LYST: variants seen among roughly 807,000 people sequenced by gnomAD.
The protein encoded by LYST is lysosomal trafficking regulator.
Under a neutral mutation model 413.6 loss-of-function variants are expected in LYST, and 192 were observed. The ratio of observed to expected loss-of-function variants is 0.46; its 90% CI spans 0.41 to 0.52. LYST has a LOEUF of 0.52. Ranked by LOEUF, LYST falls within the 20% of genes least tolerant of loss-of-function variation. The pLI, the probability that LYST is intolerant of heterozygous loss-of-function variation, is 0.00. For synonymous variants in LYST, 1,525 were observed against 1,567.3 expected (o/e 0.97, Z 0.64); for missense variants, 3,815 against 4,499.9 (o/e 0.85, Z 4.35).
At chr1:235,856,114 C>T (rs1572467928) in intron 1 of LYST, among the ~76,000 whole-genome samples, 1 of 152,080 alleles carries the variant, frequency 6.6e-6, no homozygotes, top group Non-Finnish European at 1.5e-5. Context: ...TTTTTCCCTA[C>T]CACACTGGGT....
Position 235,793,003 on chromosome 1 carries a change from G to A in LYST, c.4116+500C>T, listed in dbSNP as rs567529669. 5.9e-5 allele frequency among the ~76,000 whole-genome samples: 9 copies of A among 152,238 alleles called. No homozygotes were observed. The East Asian group carries it at 1.4e-3, about 23-fold the overall frequency. On this transcript the variant is annotated intron_variant, in intron 11 of 52. Coordinates refer to ENST00000389793, the MANE Select transcript of LYST (RefSeq NM_000081.4). ...GAACATCCAATCCCACTACAAAGTAGCTCCAAAGTTTTCTGTCTTATTTGC... is the reference window on the plus strand; with the variant it reads ...GAACATCCAATCCCACTACAAAGTAACTCCAAAGTTTTCTGTCTTATTTGC...
intron 3 of LYST, chr1:235,827,524 G>A (rs1675463771): frequency 3.8e-5 from 37 of 978,566 alleles, no homozygotes; most frequent in Non-Finnish European, 4.5e-5. Flanking sequence ...TGTGTCTAGT[G>A]TTATGATTTC....
At chr1:235,830,484 A>G in intron 2 of LYST, 60 bp from the exon 3 acceptor site, 1 of 1,307,226 alleles carries the variant, frequency 7.6e-7, no homozygotes, top group East Asian at 2.5e-5. Flanking sequence ...TTTACTTTTA[A>G]AACTATGTGT....
intron 19 of LYST, 151 bp downstream of exon 19, chr1:235,773,691 T>C: frequency 1.5e-6 from 1 of 662,018 alleles, no homozygotes; most frequent in South Asian, 1.9e-5. Context: ...ACAAAAAAGA[T>C]TTACAGAGAT....
chr1:235,668,341 C>T (rs975988957), intron 50 of LYST, among the ~76,000 whole-genome samples: 14 of 152,170 alleles, frequency 9.2e-5, no homozygotes, highest in African/African-American at 2.4e-4. Context: ...TAGTCTGGGT[C>T]GCTACAGATA....
upstream of LYST, among the ~76,000 whole-genome samples, chr1:235,867,465 C>T (rs1680688917): frequency 6.6e-6 from 1 of 152,184 alleles, no homozygotes; most frequent in African/African-American, 2.4e-5. Context: ...TGGTTACCGT[C>T]GGCTTCTTTC....
At chr1:235,840,408 T>C (rs1017668917) in intron 1 of LYST, among the ~76,000 whole-genome samples, 8 of 152,130 alleles carry the variant, frequency 5.3e-5, no homozygotes, top group Admixed American at 5.2e-4. Context: ...AAAGTGAGGA[T>C]GGAGGGAGTG....
Position 235,664,792 on chromosome 1 carries a change from ATTTTTC to A in LYST, c.11039-177_11039-172del, listed in dbSNP as rs951546331. On this transcript the variant is annotated intron_variant, in intron 50 of 52. Transcript: ENST00000389793. The surrounding 1 kb of genome is among the most constrained non-coding windows in gnomAD (Gnocchi z 4.5). ...TGAAATTACTACACAAGTTGCACAG[ATTTTTC>A]TTTTTCATTTTCTTTTGAGACAGAG... is the stretch of plus-strand genomic sequence containing the variant. 6.6e-6 allele frequency among the ~76,000 whole-genome samples: 1 copy of A among 152,012 alleles called. No homozygotes were observed. The highest frequency in any genetic ancestry group is 2.4e-5 in the African/African-American group (1 of 41,386).
At chr1:235,799,088 CTAAG>C (rs1445343848) in intron 10 of LYST, among the ~76,000 whole-genome samples, 2 of 152,034 alleles carry the variant, frequency 1.3e-5, no homozygotes, top group Admixed American at 1.3e-4. Flanking sequence ...CAAGGGTTCA[CTAAG>C]TGTCTAGCAA....
chr1:235,740,580 T>C (rs1472373760), intron 31 of LYST, among the ~76,000 whole-genome samples: 1 of 152,166 alleles, frequency 6.6e-6, no homozygotes, highest in Non-Finnish European at 1.5e-5. Flanking sequence ...TCCATAATGG[T>C]AGATGTACCA....
intron 3 of LYST, among the ~76,000 whole-genome samples, chr1:235,819,882 G>A (rs537960082): frequency 2.6e-5 from 4 of 152,186 alleles, no homozygotes; most frequent in South Asian, 2.1e-4. Context: ...TCCTGACCTC[G>A]TGATCCGCCA....
rs1326338553 is a variant in LYST at position 235,782,205 on chromosome 1, GTC to G, written c.4863-120_4863-119del. The G allele has an allele frequency of 4.7e-6, 4 of 853,938 alleles. No homozygotes were observed. In the East Asian group the frequency reaches 1.1e-4, roughly 24 times the overall value. The allele number at this position is 853,938 out of a possible 1,614,324, so 52.9% of individuals were successfully genotyped here. On this transcript the variant is annotated intron_variant, in intron 14 of 52. Coordinates refer to ENST00000389793, the MANE Select transcript of LYST (RefSeq NM_000081.4). The stretch of plus-strand genomic sequence containing the variant: ...CTTTTTTTTTTTTTTTGGAGACAGA[GTC>G]TCGCTCTGTTGCCCAGGTTGGCACG...
At chr1:235,718,292 T>C (rs1006094371) in intron 40 of LYST, among the ~76,000 whole-genome samples, 1 of 151,972 alleles carries the variant, frequency 6.6e-6, no homozygotes, top group Non-Finnish European at 1.5e-5. Flanking sequence ...CACAATACTA[T>C]TACCCTAGGC....
intron 50 of LYST, among the ~76,000 whole-genome samples, chr1:235,668,217 TTTTA>T (rs1658658789): frequency 6.6e-6 from 1 of 151,980 alleles, no homozygotes; most frequent in African/African-American, 2.4e-5. Flanking sequence ...TATATATATA[TTTTA>T]ATTTTAAGAT....
intron 19 of LYST, 22 bp downstream of exon 19, chr1:235,773,820 A>G (rs760654779): frequency 2.5e-6 from 4 of 1,601,684 alleles, no homozygotes; most frequent in Admixed American, 3.3e-5. Context: ...TAAAAAATGG[A>G]AAAAAAGTAC....
chr1:235,744,070 T>C lies in LYST; in HGVS notation c.8060A>G (p.Glu2687Gly). ...KTSVFQTEIS[E>G]ENIHHEQSSV... The stretch of plus-strand genomic sequence containing the variant: ...AGACTGTTCATGATGAATATTTTCC[T>C]CAGAAATTTCGGTCTGGAAAACTGA... Residue 2687 changes from glutamate to glycine, a missense_variant, in exon 30 of 53, where the codon GAG becomes GGG. Physicochemically the swap from Glu to Gly is moderately conservative, Grantham distance 98. Around this residue, in one of 4 missense-constraint regions of LYST, gnomAD observed 771 missense variants for 837.1 expected, o/e 0.92. Transcript: ENST00000389793. 1 of 1,596,648 alleles carries C rather than the reference T, an allele frequency of 6.3e-7. No individual in the cohort carries two copies. The highest frequency in any genetic ancestry group is 8.6e-7 in the Non-Finnish European group (1 of 1,164,398).
rs7529320 is a variant in LYST at position 235,813,294 on chromosome 1, C to T, written c.193-233G>A. Reference sequence around the variant, plus strand: ...GTATTTGACAGTATTTAGCACACTCCTGCTGATATTTCCAAAAATAGCTGT... The same window carrying T: ...GTATTTGACAGTATTTAGCACACTCTTGCTGATATTTCCAAAAATAGCTGT... On this transcript the variant is annotated intron_variant, in intron 3 of 52. Transcript: ENST00000389793. Among the ~76,000 whole-genome samples, 76,112 of 152,038 alleles carry T rather than the reference C, an allele frequency of 0.5. 22,547 individuals are homozygous for T. The highest frequency in any genetic ancestry group is 0.82 in the African/African-American group (34,237 of 41,502).
At chr1:235,817,258 CT>C (rs1674244962) in intron 3 of LYST, among the ~76,000 whole-genome samples, 1 of 151,908 alleles carries the variant, frequency 6.6e-6, no homozygotes, top group African/African-American at 2.4e-5. Flanking sequence ...AAAGAGAACA[CT>C]TATACAACGC....
In LYST at chr1:235,809,465, T is replaced by G; in HGVS notation, c.1353A>C (p.Gln451His). Residue 451 changes from glutamine (Q) to histidine (H), a missense_variant, in exon 5 of 53, where the codon CAA becomes CAC. Gln to His is a conservative substitution (Grantham distance 24). This residue lies in a region of LYST where 1,648 missense variants were observed against 1,810.3 expected (regional missense o/e 0.91). Transcript: ENST00000389793. This position sits in a 1 kb window ranked among gnomAD's most constrained non-coding sequence, Gnocchi z 4.0. The stretch of plus-strand genomic sequence containing the variant: ...CATCTCTTAAAACCAGCCATTCCAT[T>G]TGAAGAACTGCTGTTTCAAATAAAT... ...GFNLFETAVL[Q>H]MEWLVLRDGV... is the part of the protein sequence containing the mutation. The G allele has an allele frequency of 6.2e-7, 1 of 1,614,046 alleles. No homozygotes were observed. The highest frequency in any genetic ancestry group is 8.5e-7 in the Non-Finnish European group (1 of 1,179,978).
Sources: gnomAD v4.1 joint callset for allele counts (sites outside exome capture counted in the v4.1 genomes callset) on GRCh38, gnomAD v4.1.1 for gene constraint, gnomAD v4.1.1 regional missense constraint, Gnocchi (gnomAD v3.1) non-coding constraint, MANE v1.5 for transcripts, NCBI Gene and HGNC (gene_info 2026-07-23, HGNC 2026-07-21) for gene names.